The following NRXN1 variants were observed in gnomAD, a reference collection of about 807,000 sequenced individuals.
NRXN1 encodes the protein neurexin-1.
A neutral mutation model predicts 150.9 loss-of-function variants in NRXN1; 39 were observed. The observed-to-expected ratio is 0.26, with a 90% confidence interval of 0.20 to 0.34. The LOEUF (loss-of-function observed/expected upper bound fraction) is 0.34, where lower values mean the gene tolerates loss of function less well. Ranked by LOEUF, NRXN1 falls within the 10% of genes least tolerant of loss-of-function variation. NRXN1 has a pLI of 1.00. For synonymous variants in NRXN1, 924 were observed against 757.0 expected (o/e 1.22, Z -3.62); for missense variants, 1,815 against 1,949.9 (o/e 0.93, Z 1.30).
chr2:50,565,276 T>TA (rs148142879), intron 8 of NRXN1, among the ~76,000 whole-genome samples: 116 of 144,874 alleles, frequency 8.0e-4, no homozygotes, highest in Middle Eastern at 3.4e-3. Context: ...AACTAACTCC[T>TA]AAAAAAAAAA....
chr2:49,973,904 T>C (rs1678427625), intron 21 of NRXN1: 3 of 674,038 alleles, frequency 4.5e-6, no homozygotes, highest in Non-Finnish European at 8.2e-6. Flanking sequence ...GCTTCTGGTA[T>C]CTTAAACCCT....
At chr2:50,924,803 C>T (rs1374882728) in intron 3 of NRXN1, among the ~76,000 whole-genome samples, 2 of 151,564 alleles carry the variant, frequency 1.3e-5, no homozygotes, top group South Asian at 2.1e-4. Context: ...TATCCATGTA[C>T]GAATCACAAA....
chr2:50,866,326 A>T (rs931958890), intron 5 of NRXN1, among the ~76,000 whole-genome samples: 3 of 151,926 alleles, frequency 2.0e-5, no homozygotes, highest in African/African-American at 7.2e-5. Flanking sequence ...AATGAAATAA[A>T]CCTGAATAAA....
chr2:50,546,163 T>C (rs1355908304), intron 9 of NRXN1, among the ~76,000 whole-genome samples: 4 of 152,052 alleles, frequency 2.6e-5, no homozygotes, highest in Non-Finnish European at 5.9e-5. Context: ...AAAGAGTGCA[T>C]GGGGAACATG....
At chr2:49,923,589 A>G (rs1210373323) in intron 22 of NRXN1, among the ~76,000 whole-genome samples, 1 of 152,184 alleles carries the variant, frequency 6.6e-6, no homozygotes, top group African/African-American at 2.4e-5. Flanking sequence ...ACTAAACATC[A>G]TTTAGTAATT....
At chr2:50,473,892 G>C (rs2089743715) in intron 15 of NRXN1, among the ~76,000 whole-genome samples, 2 of 151,914 alleles carry the variant, frequency 1.3e-5, no homozygotes, top group Admixed American at 1.3e-4. Flanking sequence ...CTCTTGAACT[G>C]TACTCATGAA....
chr2:50,171,863 G>A (rs1432362601), intron 18 of NRXN1, among the ~76,000 whole-genome samples: 1 of 152,062 alleles, frequency 6.6e-6, no homozygotes, highest in East Asian at 1.9e-4. Context: ...TTATTTCCCT[G>A]GTCACTGACT....
At chr2:50,900,185 C>G (rs1213145188) in intron 5 of NRXN1, among the ~76,000 whole-genome samples, 11 of 152,146 alleles carry the variant, frequency 7.2e-5, no homozygotes, top group Non-Finnish European at 1.3e-4. Context: ...GTCAGTTTCC[C>G]CTTTGTGACA....
chr2:50,226,542 T>C (rs1197228827), intron 18 of NRXN1, among the ~76,000 whole-genome samples: 1 of 151,896 alleles, frequency 6.6e-6, no homozygotes, highest in Non-Finnish European at 1.5e-5. Flanking sequence ...GGAGAAAATT[T>C]TGTTAAGAAC....
At chr2:51,010,635 C>A (rs1368521863) in intron 2 of NRXN1, among the ~76,000 whole-genome samples, 1 of 151,952 alleles carries the variant, frequency 6.6e-6, no homozygotes, top group Non-Finnish European at 1.5e-5. Context: ...AGAGATGAAA[C>A]TGTTAAAGGA....
chr2:50,485,759 T>G (rs539013186), intron 15 of NRXN1, among the ~76,000 whole-genome samples: 3,004 of 152,238 alleles, frequency 0.02, 105 homozygotes, highest in African/African-American at 0.069. Context: ...AGGTTGGAAG[T>G]TCTAGCAGAA....
intron 2 of NRXN1, among the ~76,000 whole-genome samples, chr2:50,970,617 T>C (rs1205393912): frequency 6.6e-6 from 1 of 152,134 alleles, no homozygotes; most frequent in East Asian, 1.9e-4. Context: ...ACTTTGAATG[T>C]TAATCACATT....
At chr2:50,627,037 A>T (rs1365624518) in intron 5 of NRXN1, among the ~76,000 whole-genome samples, 1 of 151,920 alleles carries the variant, frequency 6.6e-6, no homozygotes, top group African/African-American at 2.4e-5. Flanking sequence ...CTACATTCAG[A>T]TACCATTTCA....
intron 2 of NRXN1, among the ~76,000 whole-genome samples, chr2:50,947,014 C>A (rs1690500036): frequency 6.6e-6 from 1 of 152,118 alleles, no homozygotes; most frequent in South Asian, 2.1e-4. Flanking sequence ...ACTATTTAAT[C>A]AAGAAAGGCA....
intron 17 of NRXN1, among the ~76,000 whole-genome samples, chr2:50,420,510 G>A (rs927713563): frequency 5.3e-5 from 8 of 152,016 alleles, no homozygotes; most frequent in Admixed American, 4.6e-4. Flanking sequence ...GCTGCTATTA[G>A]TGGAGTGTTT....
rs548908413 is a variant in NRXN1 at position 50,425,419 on chromosome 2, C to T, written c.3364+40023G>A. ...CAGCAAGCTTCCTGTCTTACAACTACTCTCCAGCTGCTAGATTTGTAACCT... is the reference window on the plus strand; with the variant it reads ...CAGCAAGCTTCCTGTCTTACAACTATTCTCCAGCTGCTAGATTTGTAACCT... On this transcript the variant is annotated intron_variant, in intron 17 of 22. Coordinates refer to ENST00000401669, the MANE Select transcript of NRXN1 (RefSeq NM_001330078.2). Among the ~76,000 whole-genome samples, 16 of 152,290 alleles carry T rather than the reference C, an allele frequency of 1.1e-4. No homozygotes were observed. The South Asian group carries it at 3.3e-3, about 32-fold the overall frequency.
intron 2 of NRXN1, among the ~76,000 whole-genome samples, chr2:51,003,411 G>A (rs1336046465): frequency 6.6e-6 from 1 of 151,888 alleles, no homozygotes; most frequent in African/African-American, 2.4e-5. Flanking sequence ...AGGATGAGAA[G>A]AAATGACTAG....
intron 17 of NRXN1, among the ~76,000 whole-genome samples, chr2:50,292,967 A>G (rs1263336564): frequency 6.6e-6 from 1 of 152,204 alleles, no homozygotes; most frequent in African/African-American, 2.4e-5. Flanking sequence ...AAACGAATTG[A>G]GCTGGTTCGA....
At chr2:50,029,211 C>G (rs1401660698) in intron 21 of NRXN1, among the ~76,000 whole-genome samples, 8 of 152,112 alleles carry the variant, frequency 5.3e-5, no homozygotes. Context: ...GGAAGCAGGC[C>G]CTCACCAGAT....
Sources: gnomAD v4.1 joint callset for allele counts (sites outside exome capture counted in the v4.1 genomes callset) on GRCh38, gnomAD v4.1.1 for gene constraint, MANE v1.5 for transcripts, NCBI Gene and HGNC (gene_info 2026-07-23, HGNC 2026-07-21) for gene names.